The following EPC2 variants were observed in gnomAD, a reference collection of about 807,000 sequenced individuals.
EPC2 encodes the protein enhancer of polycomb 2, also known as enhancer of polycomb homolog 2.
In EPC2, 14 loss-of-function variants were observed where a neutral mutation model predicts 92.1. That is an observed-to-expected ratio of 0.15 (90% confidence interval 0.10 to 0.24). EPC2 has a LOEUF of 0.24. Ranked by LOEUF, EPC2 falls within the 10% of genes least tolerant of loss-of-function variation. The pLI, the probability that EPC2 is intolerant of heterozygous loss-of-function variation, is 1.00. For missense variants in EPC2, 755 were observed against 971.5 expected (o/e 0.78, Z 2.96); for synonymous variants, 340 against 334.7 (o/e 1.02, Z -0.17).
Position 148,655,694 on chromosome 2 carries a change from C to T in EPC2, c.153+10524C>T, listed in dbSNP as rs963968247. On this transcript the variant is annotated intron_variant, in intron 1 of 13. Transcript: ENST00000258484. ...TTTCTATGGATGTTTTGGGAACCTA[C>T]GACCTGAGGTTCAGAAATCTTCAGG... Among the ~76,000 whole-genome samples the T allele has an allele frequency of 1.1e-4, 16 of 152,242 alleles. No individual in the cohort carries two copies. In the South Asian group the frequency reaches 1.4e-3, roughly 14 times the overall value.
chr2:148,721,975 G>C (rs1266586216), intron 2 of EPC2, among the ~76,000 whole-genome samples: 1 of 120,616 alleles, frequency 8.3e-6, no homozygotes, highest in East Asian at 2.9e-4. Flanking sequence ...TTCCATTAAA[G>C]CCTTATAGTT....
chr2:148,760,323 A>G (rs1470435609), intron 4 of EPC2, among the ~76,000 whole-genome samples: 2 of 152,178 alleles, frequency 1.3e-5, no homozygotes, highest in African/African-American at 4.8e-5. Flanking sequence ...AGAACCTCCA[A>G]GAGGAACACT....
chr2:148,769,591 T>A (rs965086791), intron 8 of EPC2, among the ~76,000 whole-genome samples: 16 of 152,310 alleles, frequency 1.1e-4, no homozygotes, highest in African/African-American at 3.8e-4. Flanking sequence ...TGCTAGGTGT[T>A]TATTGAAATT....
intron 10 of EPC2, among the ~76,000 whole-genome samples, chr2:148,781,273 G>T (rs1683742026): frequency 6.6e-6 from 1 of 152,088 alleles, no homozygotes; most frequent in Admixed American, 6.6e-5. Flanking sequence ...CTATAACTTA[G>T]TCATCATTAT....
chr2:148,781,576 A>G (rs1439412770), intron 10 of EPC2, 68 bp from the exon 11 acceptor site: 2 of 1,412,726 alleles, frequency 1.4e-6, no homozygotes, highest in Non-Finnish European at 1.9e-6. Context: ...AGTTTATATC[A>G]TATTCTGCTT....
rs750913798 is a variant in EPC2, at chr2:148,761,854, A to G, written c.739A>G (p.Ile247Val). The G allele has an allele frequency of 3.8e-6, 6 of 1,595,868 alleles. No individual in the cohort carries two copies. The highest frequency in any genetic ancestry group is 1.2e-5 in the South Asian group (1 of 86,426). The change falls in exon 5 of 14, where the codon ATT (isoleucine) becomes GTT (valine). Residue 247 changes from isoleucine to valine, a missense_variant. Ile to Val is a conservative substitution (Grantham distance 29). This residue lies in a region of EPC2 where 509 missense variants were observed against 607.7 expected (regional missense o/e 0.84). Transcript: ENST00000258484. Reference protein sequence around the residue: ...LRREFSRAITILEMIKRREKT... With the variant: ...LRREFSRAITVLEMIKRREKT... Reference sequence around the variant, plus strand: ...ACGAGAATTTAGTAGAGCCATAACAATTTTGGAAATGATTAAGAGAAGAGA... The same window carrying G: ...ACGAGAATTTAGTAGAGCCATAACAGTTTTGGAAATGATTAAGAGAAGAGA...
intron 4 of EPC2, among the ~76,000 whole-genome samples, chr2:148,757,885 T>C (rs910404882): frequency 6.6e-6 from 1 of 151,726 alleles, no homozygotes; most frequent in Non-Finnish European, 1.5e-5. Context: ...TAAAATAAAA[T>C]AAAATAAATC....
chr2:148,700,098 A>C (rs1681843002), intron 2 of EPC2, among the ~76,000 whole-genome samples: 3 of 151,846 alleles, frequency 2.0e-5, no homozygotes, highest in Admixed American at 2.0e-4. Context: ...TTGAGTTTTA[A>C]GTGTTCTTTA....
At chr2:148,729,031 CAAAAAAAAAAAAAA>C (rs376309552) in intron 2 of EPC2, among the ~76,000 whole-genome samples, 10 of 63,648 alleles carry the variant, frequency 1.6e-4, no homozygotes, top group South Asian at 5.1e-4. Context: ...AACTCCATCT[CAAAAAAAAAAAAAA>C]AAAAAAAAAA....
chr2:148,770,528 C>T (rs1417280401), intron 8 of EPC2, among the ~76,000 whole-genome samples: 1 of 152,052 alleles, frequency 6.6e-6, no homozygotes. Flanking sequence ...CTATATATTC[C>T]TTTTTAAGTA....
At position 148,690,314 on chromosome 2, in the gene EPC2, A is replaced by G. The variant is rs1158947178; in HGVS notation, c.254A>G (p.Tyr85Cys). The change falls in exon 2 of 14, where the codon TAT becomes TGT. Residue 85 changes from tyrosine (Y) to cysteine (C), a missense_variant. Tyr to Cys is a radical substitution (Grantham distance 194). This residue lies in a region of EPC2 where 509 missense variants were observed against 607.7 expected (regional missense o/e 0.84). Coordinates refer to ENST00000258484, the MANE Select transcript of EPC2 (RefSeq NM_015630.4). ...CCTGAGGCAGAGAGCAACGTCAACT[A>G]TTACAATCGCTTGTACAAAGGAGAG... is the stretch of plus-strand genomic sequence containing the variant. The part of the protein sequence containing the change: ...PVPEAESNVN[Y>C]YNRLYKGEFK... 1 of 1,612,698 alleles carries G rather than the reference A, an allele frequency of 6.2e-7. No individual in the cohort carries two copies. Among genetic ancestry groups the G allele is most frequent in the Non-Finnish European group, 8.5e-7 (1 of 1,179,490 alleles).
At chr2:148,713,208 G>T (rs1035669823) in intron 2 of EPC2, among the ~76,000 whole-genome samples, 2 of 152,162 alleles carry the variant, frequency 1.3e-5, no homozygotes, top group Non-Finnish European at 2.9e-5. Flanking sequence ...CATTATAGGA[G>T]ATAATAGCTT....
intron 1 of EPC2, among the ~76,000 whole-genome samples, chr2:148,669,715 A>G (rs186892469): frequency 1.1e-3 from 175 of 152,274 alleles, no homozygotes; most frequent in Non-Finnish European, 1.9e-3. Context: ...CAAAATTTGT[A>G]AAGTTACTTG....
intron 7 of EPC2, among the ~76,000 whole-genome samples, chr2:148,767,056 G>C (rs1267450976): frequency 6.6e-6 from 1 of 152,096 alleles, no homozygotes. Context: ...AAATTAGCCA[G>C]GCGTGGTGAC....
In EPC2 at chr2:148,771,139, T is replaced by C. The variant is rs762495682; in HGVS notation, c.1472T>C (p.Ile491Thr). Reference sequence around the variant, plus strand: ...AGTTTTTCAAGCTCTTCCCAAACTATAGACTTTTCTTCTAATTTCTCTCGG... The same window carrying C: ...AGTTTTTCAAGCTCTTCCCAAACTACAGACTTTTCTTCTAATTTCTCTCGG... ...LNSFSSSSQTIDFSSNFSRTN... is the reference protein window; with the variant it reads ...LNSFSSSSQTTDFSSNFSRTN... The change falls in exon 10 of 14, where the codon ATA becomes ACA. Residue 491 changes from isoleucine to threonine, a missense_variant. By Grantham distance (89) the Ile-to-Thr change is moderately conservative (BLOSUM62 -1). Around this residue, in one of 4 missense-constraint regions of EPC2, gnomAD observed 509 missense variants for 607.7 expected, o/e 0.84. Transcript: ENST00000258484. The C allele has an allele frequency of 6.8e-5, 109 of 1,613,880 alleles. No homozygotes were observed. The highest frequency in any genetic ancestry group is 8.9e-5 in the Non-Finnish European group (105 of 1,179,872).
chr2:148,681,347 G>A (rs1681390619), intron 1 of EPC2, among the ~76,000 whole-genome samples: 1 of 152,068 alleles, frequency 6.6e-6, no homozygotes, highest in South Asian at 2.1e-4. Flanking sequence ...GAGAAGTAGG[G>A]GATTGTTATT....
At chr2:148,783,540 A>T in intron 11 of EPC2, 57 bp from the exon 12 acceptor site, 1 of 1,522,502 alleles carries the variant, frequency 6.6e-7, no homozygotes. Context: ...CCATCCCTTA[A>T]TATGTTCATA....
At chr2:148,654,647 G>C (rs1680753742) in intron 1 of EPC2, among the ~76,000 whole-genome samples, 1 of 152,202 alleles carries the variant, frequency 6.6e-6, no homozygotes, top group Admixed American at 6.5e-5. Flanking sequence ...GACAGAGTGA[G>C]ACTGAGGCCC....
intron 1 of EPC2, among the ~76,000 whole-genome samples, chr2:148,658,323 T>C (rs1441502941): frequency 2.0e-5 from 3 of 152,104 alleles, no homozygotes; most frequent in African/African-American, 7.2e-5. Flanking sequence ...GGGGCACCTT[T>C]AGACAGTGAA....
Sources: gnomAD v4.1 joint callset for allele counts (sites outside exome capture counted in the v4.1 genomes callset) on GRCh38, gnomAD v4.1.1 for gene constraint, gnomAD v4.1.1 regional missense constraint, MANE v1.5 for transcripts, NCBI Gene and HGNC (gene_info 2026-07-23, HGNC 2026-07-21) for gene names.